Variants in CIRSR observed in about 807,000 individuals in gnomAD.
CIRSR encodes the protein corepressor of RBPJ and splicing regulator, also known as CBF1 (RBPJ) interacting corepressor 1.
chr2:174,363,762 G>A, the CIRSR span, among the ~76,000 whole-genome samples: 1 of 152,138 alleles, frequency 6.6e-6, no homozygotes, highest in Non-Finnish European at 1.5e-5. Context: ...CGGATCTTGT[G>A]AGACTTAATC....
chr2:174,360,738 T>C, the CIRSR span, among the ~76,000 whole-genome samples: 1 of 152,218 alleles, frequency 6.6e-6, no homozygotes, highest in African/African-American at 2.4e-5. Context: ...AACAAGATTG[T>C]AATTAAAAAT....
chr2:174,371,360 A>G, the CIRSR span, among the ~76,000 whole-genome samples: 1 of 152,260 alleles, frequency 6.6e-6, no homozygotes, highest in Non-Finnish European at 1.5e-5. Flanking sequence ...TAATTTAAAT[A>G]TACATTAAAA....
chr2:174,394,491 AC>A, the CIRSR span, among the ~76,000 whole-genome samples: 1 of 152,346 alleles, frequency 6.6e-6, no homozygotes, highest in East Asian at 1.9e-4. Flanking sequence ...TAGTTCTGGT[AC>A]AACATTTAAC....
the CIRSR span, among the ~76,000 whole-genome samples, chr2:174,389,078 G>A: frequency 7.7e-4 from 118 of 152,292 alleles, no homozygotes; most frequent in African/African-American, 2.8e-3. Flanking sequence ...AGCAGCGTGA[G>A]AATAGACTAA....
At chr2:174,387,843 T>C in the CIRSR span, 2 of 1,384,468 alleles carry the variant, frequency 1.4e-6, no homozygotes, top group South Asian at 1.3e-5. Flanking sequence ...ACTTTGCTTT[T>C]CTTGTATAAT....
At chr2:174,354,296 CTAT>C in the CIRSR span, among the ~76,000 whole-genome samples, 1 of 145,022 alleles carries the variant, frequency 6.9e-6, no homozygotes, top group Non-Finnish European at 1.5e-5. Context: ...AGAGTAACAA[CTAT>C]TATTTTTACC....
the CIRSR span, among the ~76,000 whole-genome samples, chr2:174,394,979 C>T: frequency 1.3e-5 from 2 of 152,178 alleles, no homozygotes; most frequent in Non-Finnish European, 2.9e-5. Context: ...AAAGTGACTG[C>T]TCGAATAACT....
the CIRSR span, chr2:174,387,663 C>CT: frequency 1.3e-6 from 2 of 1,565,612 alleles, no homozygotes; most frequent in Non-Finnish European, 1.7e-6. Flanking sequence ...TCTAGATATA[C>CT]TGGCATAACA....
the CIRSR span, among the ~76,000 whole-genome samples, chr2:174,353,158 G>A: frequency 6.6e-6 from 1 of 151,972 alleles, no homozygotes; most frequent in Non-Finnish European, 1.5e-5. Context: ...GAGATGATGG[G>A]GAAAAACTGT....
chr2:174,382,617 C>A, the CIRSR span, among the ~76,000 whole-genome samples: 1 of 151,994 alleles, frequency 6.6e-6, no homozygotes, highest in Non-Finnish European at 1.5e-5. Flanking sequence ...CCAGCCTGGG[C>A]GACAGAGCCA....
the CIRSR span, chr2:174,381,649 T>C: frequency 6.0e-5 from 83 of 1,379,214 alleles, 1 homozygote; most frequent in Non-Finnish European, 8.3e-5. Flanking sequence ...AGGGCAAGAC[T>C]GTGCCTCAGA....
the CIRSR span, among the ~76,000 whole-genome samples, chr2:174,370,414 A>G: frequency 6.6e-6 from 1 of 152,228 alleles, no homozygotes; most frequent in Non-Finnish European, 1.5e-5. Flanking sequence ...TCAAACATGG[A>G]AAGATGTGCA....
At chr2:174,358,324 C>A in the CIRSR span, 1 of 152,318 alleles carries the variant, frequency 6.6e-6, no homozygotes, top group Admixed American at 6.5e-5. Context: ...ACTGCAACTT[C>A]CACCTCCTGG....
chr2:174,387,285 C>T, the CIRSR span: 1 of 157,882 alleles, frequency 6.3e-6, no homozygotes, highest in African/African-American at 2.4e-5. Flanking sequence ...AGCCACGAAA[C>T]AGCTTTTAAC....
chr2:174,393,690 T>TAA, the CIRSR span, among the ~76,000 whole-genome samples: 19 of 136,872 alleles, frequency 1.4e-4, no homozygotes, highest in African/African-American at 2.7e-4. Context: ...CCACTTCTAT[T>TAA]AAAAAAAAAA....
At chr2:174,389,410 G>C in the CIRSR span, among the ~76,000 whole-genome samples, 1 of 152,244 alleles carries the variant, frequency 6.6e-6, no homozygotes, top group African/African-American at 2.4e-5. Flanking sequence ...AGAAACTGGT[G>C]GCATTTTGCC....
chr2:174,369,639 T>C, the CIRSR span, among the ~76,000 whole-genome samples: 1 of 152,244 alleles, frequency 6.6e-6, no homozygotes, highest in Non-Finnish European at 1.5e-5. Context: ...TTTGAACACT[T>C]AGAGGCCACT....
the CIRSR span, among the ~76,000 whole-genome samples, chr2:174,383,956 C>T: frequency 6.6e-6 from 1 of 151,796 alleles, no homozygotes; most frequent in Non-Finnish European, 1.5e-5. Context: ...GTCACTGTGA[C>T]AACCAGTTTC....
chr2:174,350,611 T>C, the CIRSR span: 1 of 1,238,888 alleles, frequency 8.1e-7, no homozygotes, highest in East Asian at 2.6e-5. Flanking sequence ...GATACTGAGA[T>C]GAATACTAAG....
Sources: gnomAD v4.1 joint callset for allele counts (sites outside exome capture counted in the v4.1 genomes callset) on GRCh38, gnomAD v4.1.1 for gene constraint, MANE v1.5 for transcripts, NCBI Gene and HGNC (gene_info 2026-07-23, HGNC 2026-07-21) for gene names.